Variants in PCSK1 observed in about 807,000 individuals in gnomAD.
The protein encoded by PCSK1 is neuroendocrine convertase 1.
In PCSK1, 56 loss-of-function variants were observed where a neutral mutation model predicts 90.6. The observed-to-expected ratio is 0.62, with a 90% CI of 0.50 to 0.77. The LOEUF (loss-of-function observed/expected upper bound fraction) is 0.77, where lower values mean the gene tolerates loss of function less well. Among genes scored for constraint, PCSK1 ranks in the 30% least tolerant of loss-of-function variants. The pLI, the probability that PCSK1 is intolerant of heterozygous loss-of-function variation, is 0.00. For synonymous variants in PCSK1, 348 were observed against 342.4 expected (o/e 1.02, Z -0.18); for missense variants, 801 against 932.6 (o/e 0.86, Z 1.84).
chr5:96,394,654 C>T (rs752644437), intron 13 of PCSK1, among the ~76,000 whole-genome samples: 7 of 152,060 alleles, frequency 4.6e-5, no homozygotes, highest in Non-Finnish European at 5.9e-5. Flanking sequence ...CTTTTGAATT[C>T]ATTAATTGTG....
chr5:96,399,747 A>G (rs918976863), intron 10 of PCSK1, among the ~76,000 whole-genome samples: 1 of 152,218 alleles, frequency 6.6e-6, no homozygotes, highest in East Asian at 1.9e-4. Flanking sequence ...TAGGTGGACT[A>G]CAAGAGGAAC....
At chr5:96,405,718 T>C (rs1281189291) in intron 9 of PCSK1, among the ~76,000 whole-genome samples, 2 of 152,222 alleles carry the variant, frequency 1.3e-5, no homozygotes, top group African/African-American at 4.8e-5. Context: ...AGGATCATTT[T>C]CCACTATACA....
At chr5:96,422,341 T>G (rs1761155879) in intron 4 of PCSK1, among the ~76,000 whole-genome samples, 2 of 152,202 alleles carry the variant, frequency 1.3e-5, no homozygotes, top group South Asian at 4.1e-4. Context: ...AGTGACACTT[T>G]GACACTCATC....
At chr5:96,427,250 C>G (rs1050632660) in intron 2 of PCSK1, among the ~76,000 whole-genome samples, 1 of 152,064 alleles carries the variant, frequency 6.6e-6, no homozygotes, top group Non-Finnish European at 1.5e-5. Flanking sequence ...GGCACTCTGC[C>G]GTCTGATCAG....
intron 2 of PCSK1, 143 bp downstream of exon 2, chr5:96,429,070 G>A (rs1162201882): frequency 1.2e-5 from 7 of 593,114 alleles, no homozygotes; most frequent in Non-Finnish European, 2.1e-5. Flanking sequence ...TTTATGGAAA[G>A]AAATTAGAAA....
At position 96,397,432 on chromosome 5, in the gene PCSK1, A is replaced by T; in HGVS notation, c.1626T>A (p.Asp542Glu). The T allele has an allele frequency of 6.2e-7, 1 of 1,612,826 alleles. No homozygotes were observed. The highest frequency in any genetic ancestry group is 8.5e-7 in the Non-Finnish European group (1 of 1,178,782). ...STVLLAERERDTSPNGFKNWD... is the reference protein window; with the variant it reads ...STVLLAERERETSPNGFKNWD... ...AATTCTTAAAGCCATTAGGAGATGT[A>T]TCCCGTTCTCTTTCAGCCAAGAGCA... Residue 542 changes from aspartate to glutamate, a missense_variant, in exon 12 of 14, where the codon GAT (aspartate) becomes GAA (glutamate). Asp to Glu is a conservative substitution (Grantham distance 45, BLOSUM62 2). Transcript: ENST00000311106.
chr5:96,410,932 G>A lies in PCSK1; in HGVS notation c.937C>T (p.Gln313Ter). The change falls in exon 8 of 14, where the codon CAG (glutamine) becomes TAG (stop). Residue 313 changes from glutamine (Q) to a stop codon, truncating the protein, a stop_gained. Coordinates refer to ENST00000311106, the MANE Select transcript of PCSK1 (RefSeq NM_000439.5). LOFTEE classifies it high-confidence loss of function. ...FVWASGNGGR[Q>*]GDNCDCDGYT... ...CCATCACAGTCACAATTATCTCCCT[G>A]ACGCCCCCCGTTTCCCGAAGCCCAG... is the stretch of plus-strand genomic sequence containing the variant. The A allele has an allele frequency of 6.2e-7, 1 of 1,614,030 alleles. No homozygotes were observed. Among genetic ancestry groups the A allele is most frequent in the South Asian group, 1.1e-5 (1 of 91,068 alleles).
At chr5:96,429,418 A>G in intron 1 of PCSK1, 101 bp from the exon 2 acceptor site, 1 of 681,142 alleles carries the variant, frequency 1.5e-6, no homozygotes, top group Admixed American at 2.4e-5. Context: ...ACTTTTATTA[A>G]GCCCATTCCT....
At chr5:96,426,559 G>A (rs1026839364) in intron 2 of PCSK1, among the ~76,000 whole-genome samples, 2 of 152,116 alleles carry the variant, frequency 1.3e-5, no homozygotes, top group Non-Finnish European at 2.9e-5. Context: ...CATGTATTAT[G>A]CAAAGAGATC....
At chr5:96,417,759 C>G (rs572860638) in intron 5 of PCSK1, among the ~76,000 whole-genome samples, 1 of 152,214 alleles carries the variant, frequency 6.6e-6, no homozygotes, top group Non-Finnish European at 1.5e-5. Flanking sequence ...TCATTTGCAA[C>G]TGAAGCTGTC....
At chr5:96,412,747 G>A (rs1320156463) in intron 6 of PCSK1, among the ~76,000 whole-genome samples, 1 of 92,916 alleles carries the variant, frequency 1.1e-5, no homozygotes. Flanking sequence ...GTAGGCAGCT[G>A]TGATGTTTTT....
Position 96,399,958 on chromosome 5 carries a change from C to G in PCSK1, c.1425G>C (p.Glu475Asp). ...AAATTCCAGGAGATACTTACCTGGGCTCAAAGTCATTGTCCTTTACAACAC... is the reference window on the plus strand; with the variant it reads ...AAATTCCAGGAGATACTTACCTGGGGTCAAAGTCATTGTCCTTTACAACAC... The part of the protein sequence containing the change: ...KECVVKDNDF[E>D]PRALKANGEV... The change falls in exon 10 of 14, where the codon GAG becomes GAC. Residue 475 changes from glutamate to aspartate, a missense_variant. By Grantham distance (45) the Glu-to-Asp change is conservative (BLOSUM62 2). Coordinates refer to ENST00000311106, the MANE Select transcript of PCSK1 (RefSeq NM_000439.5). The G allele has an allele frequency of 4.3e-6, 7 of 1,611,644 alleles. No individual in the cohort carries two copies. Among genetic ancestry groups the G allele is most frequent in the Non-Finnish European group, 5.9e-6 (7 of 1,177,750 alleles).
intron 9 of PCSK1, among the ~76,000 whole-genome samples, chr5:96,400,723 G>C (rs1167838380): frequency 2.4e-4 from 36 of 152,166 alleles, no homozygotes; most frequent in Non-Finnish European, 2.9e-5. Context: ...TTAGCTATTT[G>C]AGCTCACTCT....
chr5:96,410,558 A>G (rs536260502), intron 8 of PCSK1, among the ~76,000 whole-genome samples: 1 of 152,146 alleles, frequency 6.6e-6, no homozygotes, highest in East Asian at 1.9e-4. Flanking sequence ...TTTAAAAATG[A>G]CAGAGGGGAA....
At position 96,393,241 on chromosome 5, in the gene PCSK1, A is replaced by G. The variant is rs1760014022; in HGVS notation, c.2022T>C (p.Ala674=). ...SQAMLRLLQS[A]FSKNSPPKQS... ...GCTTTGGCGGTGAGTTTTTACTGAA[A>G]GCACTTTGCAGGAGTCGCAGCATGG... is the stretch of plus-strand genomic sequence containing the variant. The change falls in exon 14 of 14, where the codon GCT becomes GCC. Residue 674 remains alanine (A), a synonymous_variant. Transcript: ENST00000311106. 1.9e-6 allele frequency: 3 copies of G among 1,613,854 alleles called. No individual in the cohort carries two copies. Among genetic ancestry groups the G allele is most frequent in the African/African-American group, 2.7e-5 (2 of 74,870 alleles).
chr5:96,393,600 C>T (rs1760031943), intron 13 of PCSK1, among the ~76,000 whole-genome samples: 1 of 152,176 alleles, frequency 6.6e-6, no homozygotes, highest in African/African-American at 2.4e-5. Flanking sequence ...TCAACTTCAC[C>T]TGTCAGGTGG....
chr5:96,407,543 A>G (rs1160754333), intron 9 of PCSK1, among the ~76,000 whole-genome samples: 2 of 152,252 alleles, frequency 1.3e-5, no homozygotes, highest in Admixed American at 6.5e-5. Flanking sequence ...GTCAATATAT[A>G]TAAAAATCAT....
intron 8 of PCSK1, among the ~76,000 whole-genome samples, chr5:96,409,630 C>A (rs551373592): frequency 7.2e-5 from 11 of 152,304 alleles, no homozygotes; most frequent in Non-Finnish European, 1.5e-4. Flanking sequence ...TTCTGAAATG[C>A]CCAACAGGCC....
intron 6 of PCSK1, among the ~76,000 whole-genome samples, chr5:96,413,796 GT>G (rs1162445369): frequency 7.0e-5 from 3 of 43,106 alleles, no homozygotes; most frequent in African/African-American, 2.9e-4. Flanking sequence ...GCAAGACTCT[GT>G]CTCAAAAAAA....
Sources: allele counts gnomAD v4.1 joint callset (sites outside exome capture counted in the v4.1 genomes callset), GRCh38; gene constraint gnomAD v4.1.1; transcripts MANE v1.5; gene names NCBI Gene and HGNC (gene_info 2026-07-23, HGNC 2026-07-21).